Variants in ADGRB3 observed in about 807,000 individuals in gnomAD.
ADGRB3 encodes the protein adhesion G protein-coupled receptor B3, also known as brain-specific angiogenesis inhibitor 3.
ADGRB3 carries 37 observed loss-of-function variants against 193.4 expected under a neutral mutation model. The ratio of observed to expected loss-of-function variants is 0.19; its 90% CI spans 0.15 to 0.25. The LOEUF is 0.25. Ranked by LOEUF, ADGRB3 falls within the 10% of genes least tolerant of loss-of-function variation. The pLI, the probability that ADGRB3 is intolerant of heterozygous loss-of-function variation, is 1.00. For missense variants in ADGRB3, 1,637 were observed against 1,852.9 expected, an observed-to-expected ratio of 0.88 and a Z score of 2.14; for synonymous variants, 690 against 644.2, an observed-to-expected ratio of 1.07 and a Z score of -1.08.
intron 3 of ADGRB3, among the ~76,000 whole-genome samples, chr6:68,790,364 G>C (rs887277994): frequency 1.3e-5 from 2 of 152,216 alleles, no homozygotes; most frequent in Non-Finnish European, 2.9e-5. Flanking sequence ...TCTGGGGGCA[G>C]TTCACAGACA....
intron 17 of ADGRB3, among the ~76,000 whole-genome samples, chr6:69,100,693 T>A (rs1431868992): frequency 6.6e-6 from 1 of 151,634 alleles, no homozygotes; most frequent in African/African-American, 2.4e-5. Context: ...AACTTAAAAA[T>A]ATGTATAATA....
intron 18 of ADGRB3, among the ~76,000 whole-genome samples, chr6:69,233,626 C>T (rs549651500): frequency 6.6e-6 from 1 of 152,318 alleles, no homozygotes; most frequent in East Asian, 1.9e-4. Context: ...TGTCTTCTAA[C>T]TTGAAATTTC....
chr6:69,033,639 T>C (rs777521970), intron 13 of ADGRB3, among the ~76,000 whole-genome samples: 4 of 152,146 alleles, frequency 2.6e-5, no homozygotes, highest in Non-Finnish European at 5.9e-5. Context: ...TTTTGACATG[T>C]GGCATATGTA....
At chr6:69,074,841 G>A (rs1016998159) in intron 16 of ADGRB3, among the ~76,000 whole-genome samples, 22 of 152,134 alleles carry the variant, frequency 1.4e-4, no homozygotes, top group South Asian at 6.2e-4. Flanking sequence ...CACTGCGCCC[G>A]GCCTCAGGAC....
chr6:69,102,898 G>C (rs1773104600), intron 17 of ADGRB3, among the ~76,000 whole-genome samples: 1 of 152,114 alleles, frequency 6.6e-6, no homozygotes, highest in Non-Finnish European at 1.5e-5. Flanking sequence ...TATGGTTAGA[G>C]TTATTCTAAT....
chr6:69,314,385 CTCAT>C (rs1387404269), intron 20 of ADGRB3, among the ~76,000 whole-genome samples: 1 of 151,614 alleles, frequency 6.6e-6, no homozygotes, highest in East Asian at 1.9e-4. Context: ...TTATTGCTCC[CTCAT>C]TCATCAGTCA....
At chr6:69,297,370 C>CTCTT (rs750374057) in intron 20 of ADGRB3, among the ~76,000 whole-genome samples, 7,561 of 102,600 alleles carry the variant, frequency 0.074, 115 homozygotes, top group Middle Eastern at 0.15. Context: ...CTCTCTCTTT[C>CTCTT]TCTCTCTCTC....
chr6:69,208,014 C>A (rs372369036), intron 17 of ADGRB3, among the ~76,000 whole-genome samples: 1 of 152,172 alleles, frequency 6.6e-6, no homozygotes, highest in African/African-American at 2.4e-5. Flanking sequence ...GATGCCATAT[C>A]GAGGGCTCGG....
chr6:69,330,070 C>A (rs1768681326), intron 22 of ADGRB3, among the ~76,000 whole-genome samples: 1 of 151,982 alleles, frequency 6.6e-6, no homozygotes, highest in Admixed American at 6.6e-5. Context: ...TTTCAATGAC[C>A]TCGAGGAAGA....
At chr6:69,277,142 G>A (rs766136386) in intron 20 of ADGRB3, among the ~76,000 whole-genome samples, 9 of 151,682 alleles carry the variant, frequency 5.9e-5, no homozygotes, top group Non-Finnish European at 8.8e-5. Context: ...TTACAGGCAC[G>A]AGCCACCATG....
intron 17 of ADGRB3, among the ~76,000 whole-genome samples, chr6:69,155,405 T>G (rs1283651895): frequency 1.3e-5 from 2 of 152,226 alleles, no homozygotes; most frequent in African/African-American, 4.8e-5. Context: ...AGTGTTTTGT[T>G]TGCTTCCAAG....
chr6:68,682,041 A>G (rs895133398), intron 3 of ADGRB3, among the ~76,000 whole-genome samples: 28 of 152,222 alleles, frequency 1.8e-4, no homozygotes, highest in Non-Finnish European at 3.5e-4. Flanking sequence ...ATGGTTGACC[A>G]TGAATCCAGG....
chr6:69,384,371 G>A (rs1770016881), intron 31 of ADGRB3, among the ~76,000 whole-genome samples: 1 of 151,962 alleles, frequency 6.6e-6, no homozygotes, highest in African/African-American at 2.4e-5. Flanking sequence ...TCAATTTTTA[G>A]CTAGCATGCA....
At chr6:68,703,771 C>T (rs1765281065) in intron 3 of ADGRB3, among the ~76,000 whole-genome samples, 3 of 151,964 alleles carry the variant, frequency 2.0e-5, no homozygotes, top group Non-Finnish European at 2.9e-5. Context: ...TACAGGCGCC[C>T]GCCACCATGC....
chr6:69,041,225 C>A (rs1176514320), intron 13 of ADGRB3, among the ~76,000 whole-genome samples: 1 of 152,108 alleles, frequency 6.6e-6, no homozygotes, highest in Non-Finnish European at 1.5e-5. Context: ...GAGTAGGGTG[C>A]AGAGGACTAG....
chr6:68,934,728 A>AT (rs556727721), intron 4 of ADGRB3, among the ~76,000 whole-genome samples: 3 of 152,144 alleles, frequency 2.0e-5, no homozygotes, highest in East Asian at 3.8e-4. Context: ...ATATATGTGG[A>AT]TTTTTTAACT....
At chr6:68,696,082 T>G (rs1005165709) in intron 3 of ADGRB3, among the ~76,000 whole-genome samples, 3 of 152,026 alleles carry the variant, frequency 2.0e-5, no homozygotes, top group Non-Finnish European at 4.4e-5. Flanking sequence ...TTCGTCTTCT[T>G]GCCTGGCCAG....
chr6:68,746,020 A>C (rs1208646584), intron 3 of ADGRB3, among the ~76,000 whole-genome samples: 1 of 152,040 alleles, frequency 6.6e-6, no homozygotes, highest in Non-Finnish European at 1.5e-5. Flanking sequence ...AACTGTAAAA[A>C]TTTTCTCATG....
intron 10 of ADGRB3, among the ~76,000 whole-genome samples, chr6:68,987,029 C>T (rs1769097153): frequency 6.6e-6 from 1 of 152,026 alleles, no homozygotes; most frequent in Admixed American, 6.6e-5. Context: ...TATTTTTAGA[C>T]TCATTTTTCC....
Sources: gnomAD v4.1 joint callset for allele counts (sites outside exome capture counted in the v4.1 genomes callset) on GRCh38, gnomAD v4.1.1 for gene constraint, MANE v1.5 for transcripts, NCBI Gene and HGNC (gene_info 2026-07-23, HGNC 2026-07-21) for gene names.